EIF4G1: variants seen among roughly 807,000 people sequenced by gnomAD.
EIF4G1 encodes the protein EIF4-gamma.
A neutral mutation model predicts 187.8 loss-of-function variants in EIF4G1; 4 were observed. The observed-to-expected ratio is 0.02, with a 90% CI of 0.01 to 0.05. The LOEUF (loss-of-function observed/expected upper bound fraction) is 0.05, where lower values mean the gene tolerates loss of function less well. Among genes scored for constraint, EIF4G1 ranks in the 10% least tolerant of loss-of-function variants. The pLI is 1.00. For missense variants in EIF4G1, 1,647 were observed against 2,081.1 expected (o/e 0.79, Z 4.06); for synonymous variants, 844 against 781.4 (o/e 1.08, Z -1.34).
At chr3:184,329,357 G>T (rs1001942991) in intron 28 of EIF4G1, among the ~76,000 whole-genome samples, 4 of 152,238 alleles carry the variant, frequency 2.6e-5, no homozygotes, top group Non-Finnish European at 5.9e-5. Context: ...AATGGGCCGG[G>T]CGCAGTGGCT....
chr3:184,323,294 T>G lies in EIF4G1; in HGVS notation c.2088+53T>G, dbSNP rs544106737. On this transcript the variant is annotated intron_variant, in intron 14 of 32. Transcript: ENST00000346169. The surrounding 1 kb of genome is among the most constrained non-coding windows in gnomAD (Gnocchi z 6.9). ...TGGGCAAGGAGTGGGAGTGGATGAT[T>G]CCGTGTCTCAGTGCCCGCGGGGAGG... 2.8e-4 allele frequency: 454 copies of G among 1,612,694 alleles called. 9 individuals carry two copies. In the South Asian group the frequency reaches 4.4e-3, roughly 16 times the overall value.
At chr3:184,324,121 G>A (rs1724409075) in intron 16 of EIF4G1, 80 bp from the exon 17 acceptor site, 1 of 1,608,266 alleles carries the variant, frequency 6.2e-7, no homozygotes, top group Non-Finnish European at 8.5e-7. Flanking sequence ...AGATCTTCCT[G>A]GGTCAGGTAG....
At position 184,321,466 on chromosome 3, in the gene EIF4G1, A is replaced by T. The variant is rs1266854196; in HGVS notation, c.882A>T (p.Gln294His). 1 of 1,613,954 alleles carries T rather than the reference A, an allele frequency of 6.2e-7. No homozygotes were observed. The highest frequency in any genetic ancestry group is 1.3e-5 in the African/African-American group (1 of 74,876). ...CTGGGGACACTATGACAACTATACAAATGTCTGTAGAAGAATCAACCCCCA... is the reference window on the plus strand; with the variant it reads ...CTGGGGACACTATGACAACTATACATATGTCTGTAGAAGAATCAACCCCCA... ...SIPGDTMTTIQMSVEESTPIS... is the reference protein window; with the variant it reads ...SIPGDTMTTIHMSVEESTPIS... Residue 294 changes from glutamine (Q) to histidine (H), a missense_variant, in exon 10 of 33, where the codon CAA (glutamine) becomes CAT (histidine). Transcript: ENST00000346169.
At position 184,322,638 on chromosome 3, in the gene EIF4G1, A is replaced by G; in HGVS notation, c.1703A>G (p.Glu568Gly). 6.2e-7 allele frequency: 1 copy of G among 1,614,226 alleles called. No individual in the cohort carries two copies. Among genetic ancestry groups the G allele is most frequent in the South Asian group, 1.1e-5 (1 of 91,084 alleles). ...GGCAGTGGTGTGCCCCCACGTCCTG[A>G]GGAAGCAGATGAGACCTGGGACTCA... ...SEGSGVPPRPEEADETWDSKE... is the reference protein window; with the variant it reads ...SEGSGVPPRPGEADETWDSKE... The change falls in exon 12 of 33, where the codon GAG (glutamate) becomes GGG (glycine). Residue 568 changes from glutamate (E) to glycine (G), a missense_variant. Glu to Gly is a moderately conservative substitution (Grantham distance 98). Around this residue, in one of 11 missense-constraint regions of EIF4G1, gnomAD observed 522 missense variants for 485.2 expected, o/e 1.08. Coordinates refer to ENST00000346169, the MANE Select transcript of EIF4G1 (RefSeq NM_198241.3).
Position 184,326,905 on chromosome 3 carries a change from C to T in EIF4G1, c.3350C>T (p.Thr1117Ile). The T allele has an allele frequency of 6.2e-7, 1 of 1,614,206 alleles. No homozygotes were observed. Among genetic ancestry groups the T allele is most frequent in the Non-Finnish European group, 8.5e-7 (1 of 1,180,038 alleles). The part of the protein sequence containing the change: ...DAASEAARPA[T>I]STLNRFSALQ... ...GCATCAGAAGCTGCTCGCCCAGCTA[C>T]TAGTACTTTGAATCGCTTCTCAGCC... is the stretch of plus-strand genomic sequence containing the variant. The change falls in exon 23 of 33, where the codon ACT (threonine) becomes ATT (isoleucine). Residue 1117 changes from threonine to isoleucine, a missense_variant. Around this residue, in one of 11 missense-constraint regions of EIF4G1, gnomAD observed 543 missense variants for 638.0 expected, o/e 0.85. Transcript: ENST00000346169.
chr3:184,319,426 G>GGTGTGTGTGT (rs1168140244), intron 6 of EIF4G1, among the ~76,000 whole-genome samples: 87 of 112,966 alleles, frequency 7.7e-4, no homozygotes, highest in Non-Finnish European at 1.3e-3. Context: ...GCCTACGAGG[G>GGTGTGTGTGT]GTGTGTGTGT....
Position 184,327,961 on chromosome 3 carries a change from G to C in EIF4G1, c.3912G>C (p.Leu1304=), listed in dbSNP as rs1473826751. ...ATATGGGGCAGCTGCTGCACCAGCT[G>C]CTCTGTGCTGGGCATCTGTCTACTG... The part of the protein sequence containing the change: ...REHMGQLLHQ[L]LCAGHLSTAQ... The change falls in exon 26 of 33, where the codon CTG becomes CTC. Residue 1304 remains leucine (L), a synonymous_variant. Transcript: ENST00000346169. The C allele has an allele frequency of 1.2e-6, 2 of 1,610,036 alleles. No individual in the cohort carries two copies. The highest frequency in any genetic ancestry group is 2.2e-5 in the East Asian group (1 of 44,884).
At chr3:184,316,681 T>C (rs1722846443) in intron 4 of EIF4G1, 1 of 1,589,096 alleles carries the variant, frequency 6.3e-7, no homozygotes, top group South Asian at 1.1e-5. Context: ...TTGGGGGTAA[T>C]TCTCTTCTTT....
rs1449238890 is a variant in EIF4G1, at chr3:184,323,800, C to T, written c.2295C>T (p.Arg765=). Residue 765 remains arginine (R), a synonymous_variant, in exon 16 of 33, where the codon CGC becomes CGT. Coordinates refer to ENST00000346169, the MANE Select transcript of EIF4G1 (RefSeq NM_198241.3). This position sits in a 1 kb window ranked among gnomAD's most constrained non-coding sequence, Gnocchi z 6.9. ...TCCAGGACCTATTCCGCAGGGTGCG[C>T]TCCATCCTGAATAAACTGACACCCC... ...SKTQDLFRRV[R]SILNKLTPQM... 1 of 1,614,056 alleles carries T rather than the reference C, an allele frequency of 6.2e-7. No homozygotes were observed. Among genetic ancestry groups the T allele is most frequent in the Admixed American group, 1.7e-5 (1 of 60,030 alleles).
At chr3:184,333,444 C>T (rs1047685774) in intron 32 of EIF4G1, among the ~76,000 whole-genome samples, 3 of 152,046 alleles carry the variant, frequency 2.0e-5, no homozygotes, top group Non-Finnish European at 2.9e-5. Context: ...TGATAAGGGC[C>T]TGAGATACAG....
Position 184,325,964 on chromosome 3 carries a change from G to A in EIF4G1, c.3222+13G>A, listed in dbSNP as rs1020373331. The stretch of plus-strand genomic sequence containing the variant: ...CAAGATCACCAAGGTAGGGGTGTGT[G>A]TGGGAGTGGGTGATTCAGCTCAGGT... On this transcript the variant is annotated intron_variant, in intron 21 of 32. Transcript: ENST00000346169. The surrounding 1 kb of genome is among the most constrained non-coding windows in gnomAD (Gnocchi z 5.2). 2 of 1,613,160 alleles carry A rather than the reference G, an allele frequency of 1.2e-6. No homozygotes were observed. The highest frequency in any genetic ancestry group is 1.3e-5 in the African/African-American group (1 of 74,904).
Position 184,322,562 on chromosome 3 carries a change from G to C in EIF4G1, c.1627G>C (p.Glu543Gln). 2 of 1,614,154 alleles carry C rather than the reference G, an allele frequency of 1.2e-6. No individual in the cohort carries two copies. Among genetic ancestry groups the C allele is most frequent in the Non-Finnish European group, 1.7e-6 (2 of 1,180,036 alleles). ...GTTCTAGGCGAACCCGGCAGTACCA[G>C]AGGTGGAAAATCAGCCTCCTGCAGG... Reference protein sequence around the residue: ...AFKEANPAVPEVENQPPAGSN... With the variant: ...AFKEANPAVPQVENQPPAGSN... The change falls in exon 12 of 33, where the codon GAG becomes CAG. Residue 543 changes from glutamate (E) to glutamine (Q), a missense_variant. Transcript: ENST00000346169.
chr3:184,326,789 G>T, intron 22 of EIF4G1, 92 bp from the exon 23 acceptor site: 1 of 1,539,398 alleles, frequency 6.5e-7, no homozygotes, highest in South Asian at 1.1e-5. Flanking sequence ...CTTTACTTTT[G>T]GGACTGGGAC....
intron 32 of EIF4G1, 94 bp downstream of exon 32, chr3:184,332,180 GGTAGGTA>G: frequency 6.4e-7 from 1 of 1,566,150 alleles, no homozygotes; most frequent in Non-Finnish European, 8.7e-7. Flanking sequence ...ATCCAAGAAA[GGTAGGTA>G]GTCATTAGAG....
At chr3:184,322,507 C>T (rs1385296041) in intron 11 of EIF4G1, 37 bp from the exon 12 acceptor site, 2 of 1,613,896 alleles carry the variant, frequency 1.2e-6, no homozygotes. Context: ...GAGCAGTGGT[C>T]ATTCTGCAAC....
intron 4 of EIF4G1, chr3:184,316,869 G>T (rs544502419): frequency 4.4e-6 from 4 of 910,814 alleles, no homozygotes; most frequent in Middle Eastern, 2.2e-4. Flanking sequence ...GTTGGAGGCC[G>T]AGTGATGCAT....
Position 184,319,671 on chromosome 3 carries a change from C to T in EIF4G1, c.425-18C>T, listed in dbSNP as rs375387459. Reference sequence around the variant, plus strand: ...CCCTGACGCTACCACCATTCTTCTCCGTCCCCCCTCCCCCAAGCTGGCGCC... The same window carrying T: ...CCCTGACGCTACCACCATTCTTCTCTGTCCCCCCTCCCCCAAGCTGGCGCC... On this transcript the variant is annotated intron_variant, in intron 6 of 32. Coordinates refer to ENST00000346169, the MANE Select transcript of EIF4G1 (RefSeq NM_198241.3). 5.7e-5 allele frequency: 86 copies of T among 1,499,746 alleles called. No individual in the cohort carries two copies. The highest frequency in any genetic ancestry group is 3.7e-4 in the Middle Eastern group (2 of 5,476). 92.9% of individuals were successfully genotyped at this position (1,499,746 alleles called of 1,614,324 possible). A position where few individuals can be genotyped will look rare whatever the true frequency, so the allele number is the denominator to read the frequency against.
At chr3:184,333,140 T>G (rs1225268981) in intron 32 of EIF4G1, among the ~76,000 whole-genome samples, 1 of 152,062 alleles carries the variant, frequency 6.6e-6, no homozygotes, top group Non-Finnish European at 1.5e-5. Context: ...TTGGTTACAC[T>G]GGTCTGGGGA....
rs112394036 is a variant in EIF4G1, at chr3:184,317,604, T to A, written c.324+107T>A. 4.3e-3 allele frequency: 6,629 copies of A among 1,546,262 alleles called. 248 individuals are homozygous for A. The African/African-American group carries it at 0.078, about 18-fold the overall frequency. On this transcript the variant is annotated intron_variant, in intron 5 of 32. Transcript: ENST00000346169. ...CTTTTCCAGAGGTGGGACTTCCTTC[T>A]GGTCATTGCCCAGAGTTGGCTTGTC...
Sources: gnomAD v4.1 joint callset for allele counts (sites outside exome capture counted in the v4.1 genomes callset) on GRCh38, gnomAD v4.1.1 for gene constraint, gnomAD v4.1.1 regional missense constraint, Gnocchi (gnomAD v3.1) non-coding constraint, MANE v1.5 for transcripts, NCBI Gene and HGNC (gene_info 2026-07-23, HGNC 2026-07-21) for gene names.